Variants in ADCY5 observed in about 807,000 individuals in gnomAD.
ADCY5 encodes adenylate cyclase type 5.
In ADCY5, 30 loss-of-function variants were observed where a neutral mutation model predicts 119.7. The observed-to-expected ratio is 0.25, with a 90% CI of 0.19 to 0.34. ADCY5 has a LOEUF of 0.34. Among genes scored for constraint, ADCY5 ranks in the 10% least tolerant of loss-of-function variants. ADCY5 has a pLI of 1.00. For missense variants in ADCY5, 1,324 were observed against 1,775.2 expected (o/e 0.75, Z 4.57); for synonymous variants, 753 against 762.2 (o/e 0.99, Z 0.20).
chr3:123,445,087 T>A (rs755192766), intron 1 of ADCY5, among the ~76,000 whole-genome samples: 9 of 152,232 alleles, frequency 5.9e-5, no homozygotes, highest in Non-Finnish European at 1.3e-4. Context: ...AATGTTTGCA[T>A]TCCCTTGTCT....
At chr3:123,307,431 G>C (rs1940260751) in intron 12 of ADCY5, among the ~76,000 whole-genome samples, 1 of 152,174 alleles carries the variant, frequency 6.6e-6, no homozygotes, top group African/African-American at 2.4e-5. Flanking sequence ...TCTGTAAGCT[G>C]TTAAACGCAA....
intron 1 of ADCY5, among the ~76,000 whole-genome samples, chr3:123,357,570 C>T (rs1943085035): frequency 6.6e-6 from 1 of 152,182 alleles, no homozygotes; most frequent in African/African-American, 2.4e-5. Context: ...TGGTGTTCAT[C>T]TCTCTTTCAC....
intron 1 of ADCY5, among the ~76,000 whole-genome samples, chr3:123,395,250 T>C (rs1944508385): frequency 6.6e-6 from 1 of 152,214 alleles, no homozygotes; most frequent in Non-Finnish European, 1.5e-5. Flanking sequence ...TTGGTCTCCA[T>C]GTGGCTCCAC....
intron 1 of ADCY5, among the ~76,000 whole-genome samples, chr3:123,390,064 A>G (rs564248773): frequency 3.3e-4 from 51 of 152,278 alleles, no homozygotes; most frequent in African/African-American, 1.2e-3. Context: ...GATGGGGGTG[A>G]GGATGACTGC....
Position 123,284,620 on chromosome 3 carries a change from G to A in ADCY5, c.3774C>T (p.Pro1258=), listed in dbSNP as rs1938607029. 6.2e-7 allele frequency: 1 copy of A among 1,614,124 alleles called. No homozygotes were observed. Among genetic ancestry groups the A allele is most frequent in the African/African-American group, 1.3e-5 (1 of 74,954 alleles). ...EMMTYFLNGG[P]PLS ...TGGCCAACAGCTGCTAACTGAGCGG[G>A]GGCCCTCCATTGAGGAAGTAGGTCA... Residue 1258 remains proline, a synonymous_variant, in exon 21 of 21, where the codon CCC becomes CCT. Coordinates refer to ENST00000462833, the MANE Select transcript of ADCY5 (RefSeq NM_183357.3).
chr3:123,311,983 G>A lies in ADCY5; in HGVS notation c.2442+2252C>T, dbSNP rs545882480. The stretch of plus-strand genomic sequence containing the variant: ...AGGCAAATTCAACAATACAAAAGAA[G>A]GCAGGGATGATTTTCATAACTCATC... On this transcript the variant is annotated intron_variant, in intron 12 of 20. Coordinates refer to ENST00000462833, the MANE Select transcript of ADCY5 (RefSeq NM_183357.3). Among the ~76,000 whole-genome samples, 289 of 152,168 alleles carry A rather than the reference G, an allele frequency of 1.9e-3. 3 individuals carry two copies. Among genetic ancestry groups the A allele is most frequent in the African/African-American group, 6.7e-3 (279 of 41,504 alleles).
rs888387099 is a variant in ADCY5, at chr3:123,303,140, T to C, written c.2639A>G (p.His880Arg). ...NISASQVNAC[H>R]VAESAVNYSL... ...GTAGTTGACGGCCGACTCCGCCACG[T>C]GACACGCGTTGACCTGGCTCGCGCT... The change falls in exon 14 of 21, where the codon CAC becomes CGC. Residue 880 changes from histidine to arginine, a missense_variant. His to Arg is a conservative substitution (Grantham distance 29). Transcript: ENST00000462833. 1 of 1,613,850 alleles carries C rather than the reference T, an allele frequency of 6.2e-7. No homozygotes were observed. Among genetic ancestry groups the C allele is most frequent in the Non-Finnish European group, 8.5e-7 (1 of 1,180,022 alleles).
intron 3 of ADCY5, among the ~76,000 whole-genome samples, chr3:123,343,943 GCC>G: frequency 6.6e-6 from 1 of 152,344 alleles, no homozygotes; most frequent in Non-Finnish European, 1.5e-5. Context: ...GGGTCCCCTG[GCC>G]TCTGGCCTGC....
At position 123,326,638 on chromosome 3, in the gene ADCY5, G is replaced by C. The variant is rs187585635; in HGVS notation, c.1947+980C>G. Among the ~76,000 whole-genome samples, 12 of 152,230 alleles carry C rather than the reference G, an allele frequency of 7.9e-5. No homozygotes were observed. In the East Asian group the frequency reaches 2.1e-3, roughly 27 times the overall value. On this transcript the variant is annotated intron_variant, in intron 7 of 20. Transcript: ENST00000462833. ...AAGGAACTGGCCAACGCTTACAAACGTGTCAAGGAAACCATGAGGAGCTGT... is the reference window on the plus strand; with the variant it reads ...AAGGAACTGGCCAACGCTTACAAACCTGTCAAGGAAACCATGAGGAGCTGT...
In ADCY5 at chr3:123,334,698, A is replaced by C. The variant is rs372470598; in HGVS notation, c.1407-2023T>G. ...GGTTGCAGTGAGCCGAGACAGTGCC[A>C]CTGCACTCCAGCCTGGGTGACAGAG... On this transcript the variant is annotated intron_variant, in intron 3 of 20. Coordinates refer to ENST00000462833, the MANE Select transcript of ADCY5 (RefSeq NM_183357.3). 1.5e-3 allele frequency among the ~76,000 whole-genome samples: 233 copies of C among 152,342 alleles called. 1 individual carries two copies. Among genetic ancestry groups the C allele is most frequent in the African/African-American group, 5.1e-3 (210 of 41,582 alleles).
At chr3:123,319,884 T>G (rs1045915484) in intron 9 of ADCY5, 66 bp from the exon 10 acceptor site, 2 of 1,580,896 alleles carry the variant, frequency 1.3e-6, no homozygotes, top group African/African-American at 2.7e-5. Context: ...GGGCTGGCTC[T>G]TCCGACCATC....
chr3:123,369,907 C>A (rs535806956), intron 1 of ADCY5, among the ~76,000 whole-genome samples: 1 of 152,292 alleles, frequency 6.6e-6, no homozygotes, highest in South Asian at 2.1e-4. Flanking sequence ...GGAGATTCTG[C>A]CCTGGTCTCC....
chr3:123,432,630 C>T (rs1945544730), intron 1 of ADCY5, among the ~76,000 whole-genome samples: 1 of 152,074 alleles, frequency 6.6e-6, no homozygotes, highest in Non-Finnish European at 1.5e-5. Context: ...TCCTGGGCTC[C>T]AGTGATCCTC....
At chr3:123,323,487 T>C (rs925498312) in intron 8 of ADCY5, among the ~76,000 whole-genome samples, 1 of 152,118 alleles carries the variant, frequency 6.6e-6, no homozygotes, top group African/African-American at 2.4e-5. Flanking sequence ...GCCTCCCTGC[T>C]GGTTGTTCCC....
At chr3:123,298,726 T>G (rs573570597) in intron 15 of ADCY5, among the ~76,000 whole-genome samples, 5 of 152,020 alleles carry the variant, frequency 3.3e-5, no homozygotes, top group Admixed American at 6.6e-5. Flanking sequence ...TTCATATTTT[T>G]GAATGAATGA....
intron 1 of ADCY5, among the ~76,000 whole-genome samples, chr3:123,408,439 C>T (rs1015136687): frequency 6.7e-5 from 10 of 150,002 alleles, no homozygotes; most frequent in African/African-American, 2.2e-4. Flanking sequence ...GGGCGGATCA[C>T]GAGGTCAGGA....
intron 1 of ADCY5, among the ~76,000 whole-genome samples, chr3:123,390,347 T>TGA (rs1944368351): frequency 6.6e-6 from 1 of 152,176 alleles, no homozygotes; most frequent in African/African-American, 2.4e-5. Context: ...TCACCCTAAA[T>TGA]GAATGCCTCC....
chr3:123,446,896 C>A (rs763438756), intron 1 of ADCY5, among the ~76,000 whole-genome samples: 1 of 152,188 alleles, frequency 6.6e-6, no homozygotes, highest in Non-Finnish European at 1.5e-5. Context: ...TCTCCAGCTA[C>A]CAAATCCCCA....
chr3:123,288,915 A>T (rs1299107486), intron 19 of ADCY5, among the ~76,000 whole-genome samples: 1 of 152,230 alleles, frequency 6.6e-6, no homozygotes, highest in African/African-American at 2.4e-5. Flanking sequence ...AAAGGAGTCC[A>T]GGGAAGATCC....
Sources: gnomAD v4.1 joint callset for allele counts (sites outside exome capture counted in the v4.1 genomes callset) on GRCh38, gnomAD v4.1.1 for gene constraint, MANE v1.5 for transcripts, NCBI Gene and HGNC (gene_info 2026-07-23, HGNC 2026-07-21) for gene names.